Variants in EXOC3L4 observed in about 807,000 individuals in gnomAD.
EXOC3L4 encodes the protein exocyst complex component 3 like 4.
A neutral mutation model predicts 69.7 loss-of-function variants in EXOC3L4; 62 were observed. The observed-to-expected ratio is 0.89, with a 90% CI of 0.72 to 1.10. The LOEUF is 1.10. Among genes scored for constraint, EXOC3L4 ranks in the 50% least tolerant of loss-of-function variants. EXOC3L4 has a pLI of 0.00. For missense variants in EXOC3L4, 1,087 were observed against 1,034.8 expected, an observed-to-expected ratio of 1.05 and a Z score of -0.69; for synonymous variants, 502 against 464.2, an observed-to-expected ratio of 1.08 and a Z score of -1.05.
rs182654404 is a variant in EXOC3L4, at chr14:103,102,467, G to A, written c.744G>A (p.Ala248=). The change falls in exon 3 of 12, where the codon GCG becomes GCA. Residue 248 remains alanine (A), a synonymous_variant. Transcript: ENST00000688303. ...PRRWRQHWEE[A]VRRSAQERVR... Reference sequence around the variant, plus strand: ...GCTGGCGCCAGCACTGGGAGGAGGCGGTGCGGCGAAGCGCTCAGGAGCGCG... The same window carrying A: ...GCTGGCGCCAGCACTGGGAGGAGGCAGTGCGGCGAAGCGCTCAGGAGCGCG... 2 of 1,451,012 alleles carry A rather than the reference G, an allele frequency of 1.4e-6. No homozygotes were observed. Among genetic ancestry groups the A allele is most frequent in the South Asian group, 1.4e-5 (1 of 70,624 alleles). 89.9% of individuals were successfully genotyped at this position (1,451,012 alleles called of 1,614,324 possible).
intron 11 of EXOC3L4, 133 bp from the exon 12 acceptor site, chr14:103,109,898 A>G (rs888858019): frequency 4.0e-5 from 40 of 996,812 alleles, no homozygotes; most frequent in East Asian, 3.9e-4. Flanking sequence ...GCCTCAGTCA[A>G]TCTGACCTCC....
rs749960546 is a variant in EXOC3L4, at chr14:103,097,714, G to A, written c.-16-2490G>A. On this transcript the variant is annotated intron_variant, in intron 1 of 11. Coordinates refer to ENST00000688303, the MANE Select transcript of EXOC3L4 (RefSeq NM_001077594.2). This position sits in a 1 kb window ranked among gnomAD's most constrained non-coding sequence, Gnocchi z 4.9. ...CAGATAGATGGTGACGGCCGGTGGT[G>A]CAAGGCATCTGAACCCCGAGGTCCT... Among the ~76,000 whole-genome samples, 27 of 152,150 alleles carry A rather than the reference G, an allele frequency of 1.8e-4. No individual in the cohort carries two copies. The highest frequency in any genetic ancestry group is 3.9e-4 in the Admixed American group (6 of 15,280).
intron 10 of EXOC3L4, 141 bp downstream of exon 10, chr14:103,107,924 T>C: frequency 8.0e-7 from 1 of 1,253,160 alleles, no homozygotes; most frequent in Non-Finnish European, 1.1e-6. Context: ...CTGGGGCGCC[T>C]GTGGGGCTGG....
intron 8 of EXOC3L4, 119 bp downstream of exon 8, chr14:103,107,018 T>G: frequency 1.1e-6 from 1 of 890,046 alleles, no homozygotes; most frequent in Non-Finnish European, 1.7e-6. Flanking sequence ...CATGGGTGTG[T>G]GTGTAGGGTA....
In EXOC3L4 at chr14:103,107,534, G is replaced by A. The variant is rs75352703; in HGVS notation, c.1692G>A (p.Pro564=). Reference sequence around the variant, plus strand: ...GTCATCTCCAGCGTGTGGCCCGGCCGCGGGCACAGGTACCACAAGGGGGAG... The same window carrying A: ...GTCATCTCCAGCGTGTGGCCCGGCCACGGGCACAGGTACCACAAGGGGGAG... ...FAGHLQRVAR[P]RAQETLQEVH... Residue 564 remains proline (P), a synonymous_variant, in exon 9 of 12, where the codon CCG becomes CCA. Coordinates refer to ENST00000688303, the MANE Select transcript of EXOC3L4 (RefSeq NM_001077594.2). The A allele has an allele frequency of 6.6e-4, 1,065 of 1,613,598 alleles. 18 individuals carry two copies. In the East Asian group the frequency reaches 0.022, roughly 33 times the overall value.
chr14:103,106,937 C>T, intron 8 of EXOC3L4, 38 bp downstream of exon 8: 1 of 1,454,316 alleles, frequency 6.9e-7, no homozygotes, highest in Middle Eastern at 1.8e-4. Context: ...CTTCCCATGC[C>T]CAGCAGGCAC....
intron 11 of EXOC3L4, 141 bp downstream of exon 11, chr14:103,108,658 C>A (rs1890722927): frequency 1.0e-5 from 12 of 1,168,966 alleles, no homozygotes; most frequent in African/African-American, 1.5e-5. Flanking sequence ...GACCCTCAGA[C>A]CCTCAAGGCT....
At chr14:103,096,785 A>T (rs1295179652) in intron 1 of EXOC3L4, among the ~76,000 whole-genome samples, 1 of 152,214 alleles carries the variant, frequency 6.6e-6, no homozygotes, top group Non-Finnish European at 1.5e-5. Context: ...AGGTTGGCCA[A>T]CGACCGTCTA....
At position 103,102,754 on chromosome 14, in the gene EXOC3L4, C is replaced by T; in HGVS notation, c.1031C>T (p.Ala344Val). ...CAGCTCTATATCCTGCTGGACTGGG[C>T]CGCCAACGTCTACGGCAGGTGAGTC... is the stretch of plus-strand genomic sequence containing the variant. ...CEQLYILLDW[A>V]ANVYGSPDFL... Residue 344 changes from alanine (A) to valine (V), a missense_variant, in exon 3 of 12, where the codon GCC becomes GTC. Physicochemically the swap from Ala to Val is moderately conservative, Grantham distance 64. Coordinates refer to ENST00000688303, the MANE Select transcript of EXOC3L4 (RefSeq NM_001077594.2). 2 of 1,368,154 alleles carry T rather than the reference C, an allele frequency of 1.5e-6. No homozygotes were observed. The highest frequency in any genetic ancestry group is 1.9e-6 in the Non-Finnish European group (2 of 1,062,388). The allele number at this position is 1,368,154 out of a possible 1,614,324, so 84.8% of individuals were successfully genotyped here.
At chr14:103,103,259 G>T (rs1426635186) in intron 3 of EXOC3L4, among the ~76,000 whole-genome samples, 1 of 148,680 alleles carries the variant, frequency 6.7e-6, no homozygotes, top group Non-Finnish European at 1.5e-5. Context: ...GGAGGCTGAG[G>T]TAGGAGAATC....
At chr14:103,095,766 G>T (rs1889862643) in intron 1 of EXOC3L4, among the ~76,000 whole-genome samples, 2 of 152,180 alleles carry the variant, frequency 1.3e-5, no homozygotes. Context: ...GAAAGGTGTT[G>T]CTTGTATTTA....
intron 4 of EXOC3L4, 91 bp from the exon 5 acceptor site, chr14:103,104,176 G>A (rs2139493031): frequency 6.9e-7 from 1 of 1,445,370 alleles, no homozygotes; most frequent in Non-Finnish European, 9.1e-7. Flanking sequence ...CCCCGGCGCG[G>A]GCTTGTGACC....
chr14:103,110,314 GC>G lies in EXOC3L4; in HGVS notation c.*96del. On this transcript the variant is annotated 3_prime_UTR_variant, in exon 12 of 12. Transcript: ENST00000688303. ...AGCCCAGGGAGTCACTCTGGGCCCT[GC>G]CCCCAACTCTGACACTGCAGTTAGG... The G allele has an allele frequency of 7.1e-7, 1 of 1,411,196 alleles. No individual in the cohort carries two copies. The highest frequency in any genetic ancestry group is 9.6e-7 in the Non-Finnish European group (1 of 1,037,430). 87.4% of individuals were successfully genotyped at this position (1,411,196 alleles called of 1,614,324 possible). A position where few individuals can be genotyped will look rare whatever the true frequency, so the allele number is the denominator to read the frequency against.
chr14:103,110,326 G>T lies in EXOC3L4; in HGVS notation c.*103G>T. 7.5e-7 allele frequency: 1 copy of T among 1,339,030 alleles called. No homozygotes were observed. 82.9% of individuals were successfully genotyped at this position (1,339,030 alleles called of 1,614,324 possible). ...CACTCTGGGCCCTGCCCCCAACTCT[G>T]ACACTGCAGTTAGGGAATTTTTGTC... On this transcript the variant is annotated 3_prime_UTR_variant, in exon 12 of 12. Coordinates refer to ENST00000688303, the MANE Select transcript of EXOC3L4 (RefSeq NM_001077594.2).
At chr14:103,105,226 GGTGTGT>G (rs1297615509) in intron 7 of EXOC3L4, among the ~76,000 whole-genome samples, 154 bp downstream of exon 7, 2 of 151,806 alleles carry the variant, frequency 1.3e-5, no homozygotes, top group Non-Finnish European at 2.9e-5. Context: ...GGATCTGAGG[GGTGTGT>G]GTGCGTGTGT....
At chr14:103,102,022 C>A in intron 2 of EXOC3L4, 96 bp from the exon 3 acceptor site, 1 of 1,322,012 alleles carries the variant, frequency 7.6e-7, no homozygotes, top group Non-Finnish European at 1.0e-6. Context: ...GACAGACAAT[C>A]CAGCCCCGAT....
intron 2 of EXOC3L4, among the ~76,000 whole-genome samples, chr14:103,100,814 C>A (rs1350445965): frequency 6.6e-6 from 1 of 152,222 alleles, no homozygotes; most frequent in South Asian, 2.1e-4. Flanking sequence ...CAGCTCACTG[C>A]GACCTTGGCC....
intron 11 of EXOC3L4, among the ~76,000 whole-genome samples, chr14:103,108,784 A>G (rs1890731411): frequency 6.6e-6 from 1 of 151,936 alleles, no homozygotes; most frequent in Non-Finnish European, 1.5e-5. Flanking sequence ...CGGACCCCCC[A>G]CCCCTGGGGA....
chr14:103,104,523 G>A, intron 5 of EXOC3L4, 134 bp downstream of exon 5: 1 of 1,362,980 alleles, frequency 7.3e-7, no homozygotes. Flanking sequence ...CCCCACGCGG[G>A]GGGAAATCGG....
Sources: gnomAD v4.1 joint callset for allele counts (sites outside exome capture counted in the v4.1 genomes callset) on GRCh38, gnomAD v4.1.1 for gene constraint, Gnocchi (gnomAD v3.1) non-coding constraint, MANE v1.5 for transcripts, NCBI Gene and HGNC (gene_info 2026-07-23, HGNC 2026-07-21) for gene names.